Variants in ROBO2 observed in about 807,000 individuals in gnomAD.
ROBO2 encodes roundabout homolog 2.
Under a neutral mutation model 160.8 loss-of-function variants are expected in ROBO2, and 53 were observed. The observed-to-expected ratio is 0.33, with a 90% CI of 0.26 to 0.41. The LOEUF (loss-of-function observed/expected upper bound fraction) is 0.41. ROBO2 is among the 10% of genes least tolerant of loss of function. The pLI, the probability that ROBO2 is intolerant of heterozygous loss-of-function variation, is 1.00. For missense variants in ROBO2, 1,577 were observed against 1,722.4 expected (o/e 0.92, Z 1.49); for synonymous variants, 664 against 611.7 (o/e 1.09, Z -1.26).
At chr3:76,744,193 A>C (rs1052653970) in intron 2 of ROBO2, among the ~76,000 whole-genome samples, 1 of 152,180 alleles carries the variant, frequency 6.6e-6, no homozygotes, top group Non-Finnish European at 1.5e-5. Context: ...GATGGCTTAA[A>C]CAATAGGATT....
rs371027812 is a variant in ROBO2 at position 77,161,969 on chromosome 3, T to A, written c.388+63629T>A. ...TAATGTACCCACAATATTTCTCTAG[T>A]GCAAATTCAGCCGTACCAGTAATGT... On this transcript the variant is annotated intron_variant, in intron 2 of 25. Transcript: ENST00000461745. 7.8e-4 allele frequency among the ~76,000 whole-genome samples: 119 copies of A among 152,290 alleles called. 1 individual carries two copies. Among genetic ancestry groups the A allele is most frequent in the South Asian group, 6.0e-3 (29 of 4,834 alleles).
intron 2 of ROBO2, among the ~76,000 whole-genome samples, chr3:75,981,066 CT>C (rs2065261906): frequency 6.6e-6 from 1 of 151,368 alleles, no homozygotes; most frequent in African/African-American, 2.4e-5. Flanking sequence ...CCAAGTATTT[CT>C]ATTTTAATAT....
intron 2 of ROBO2, among the ~76,000 whole-genome samples, chr3:77,271,519 T>A (rs368056767): frequency 1.6e-4 from 25 of 152,294 alleles, no homozygotes; most frequent in African/African-American, 6.0e-4. Context: ...AACATCAGCA[T>A]TGAGTGGGAG....
At chr3:77,477,660 A>G in intron 3 of ROBO2, 89 bp downstream of exon 3, 2 of 1,244,572 alleles carry the variant, frequency 1.6e-6, no homozygotes, top group Non-Finnish European at 2.3e-6. Context: ...AACATTATTA[A>G]TACAATTGTA....
intron 2 of ROBO2, among the ~76,000 whole-genome samples, chr3:76,203,801 G>C (rs904105113): frequency 6.0e-5 from 9 of 151,254 alleles, no homozygotes; most frequent in African/African-American, 2.2e-4. Flanking sequence ...CACAGGTCAG[G>C]GTTCTAGTAA....
In ROBO2 at chr3:76,592,863, A is replaced by G. The variant is rs75266804; in HGVS notation, c.110-505151A>G. Among the ~76,000 whole-genome samples the G allele has an allele frequency of 7.4e-3, 1,128 of 152,120 alleles. 15 individuals carry two copies. Among genetic ancestry groups the G allele is most frequent in the South Asian group, 0.052 (252 of 4,818 alleles). ...CTAGGACTGAAATCGTACTATCTTC[A>G]TGGTCCTCAGCCAAGACAAAAAAAG... On this transcript the variant is annotated intron_variant, in intron 2 of 26. Transcript: ENST00000487694.
At chr3:76,578,026 G>A (rs1484217812) in intron 2 of ROBO2, among the ~76,000 whole-genome samples, 3 of 152,040 alleles carry the variant, frequency 2.0e-5, no homozygotes, top group South Asian at 2.1e-4. Flanking sequence ...TACAAAACTA[G>A]TGTTTTGCCA....
In ROBO2 at chr3:76,386,362, CCTT is replaced by C. The variant is rs1490199188; in HGVS notation, c.109+448762_109+448764del. ...CCCTCCCTCCCTCCCTCCCTCCCTT[CCTT>C]CCTCCCCTCCTTTCAGAAGTATTTA... On this transcript the variant is annotated intron_variant, in intron 2 of 26. Coordinates refer to the ROBO2 transcript ENST00000487694. Among the ~76,000 whole-genome samples the C allele has an allele frequency of 2.3e-3, 216 of 95,280 alleles. 1 individual carries two copies. The highest frequency in any genetic ancestry group is 5.6e-3 in the Middle Eastern group (1 of 180). 62.5% of individuals were successfully genotyped at this position (95,280 alleles called of 152,430 possible).
chr3:76,042,017 A>C (rs1406301901), intron 2 of ROBO2, among the ~76,000 whole-genome samples: 2 of 93,960 alleles, frequency 2.1e-5, no homozygotes, highest in Non-Finnish European at 4.0e-5. Context: ...CAAGAGAGAG[A>C]GAGAGAGGTT....
At chr3:76,898,416 T>C (rs932476992) in intron 2 of ROBO2, among the ~76,000 whole-genome samples, 4 of 152,076 alleles carry the variant, frequency 2.6e-5, no homozygotes, top group African/African-American at 9.7e-5. Context: ...AGATGGCACA[T>C]ATAATTTATA....
At chr3:76,567,620 GATATATATATAT>G (rs1201854439) in intron 2 of ROBO2, among the ~76,000 whole-genome samples, 6 of 33,300 alleles carry the variant, frequency 1.8e-4, no homozygotes, top group African/African-American at 4.0e-4. Flanking sequence ...CCAAACTACT[GATATATATATAT>G]ATATATATAT....
At chr3:76,033,553 A>C (rs1468854876) in intron 2 of ROBO2, among the ~76,000 whole-genome samples, 2 of 152,198 alleles carry the variant, frequency 1.3e-5, no homozygotes, top group African/African-American at 4.8e-5. Flanking sequence ...TTACACTGAA[A>C]AGTTAGCAAT....
chr3:76,043,230 A>G (rs938728166), intron 2 of ROBO2, among the ~76,000 whole-genome samples: 1 of 150,856 alleles, frequency 6.6e-6, no homozygotes, highest in African/African-American at 2.5e-5. Flanking sequence ...TACGTGTAAG[A>G]ACATTTTGCC....
In ROBO2 at chr3:76,409,035, G is replaced by A. The variant is rs1339495874; in HGVS notation, c.109+471433G>A. On this transcript the variant is annotated intron_variant, in intron 2 of 26. Transcript: ENST00000487694. Reference sequence around the variant, plus strand: ...GTATTAATATGTGAATGACAATAGAGTTCTGTAGTCAAAAATGTTTAGAAG... The same window carrying A: ...GTATTAATATGTGAATGACAATAGAATTCTGTAGTCAAAAATGTTTAGAAG... Among the ~76,000 whole-genome samples, 3 of 152,028 alleles carry A rather than the reference G, an allele frequency of 2.0e-5. No homozygotes were observed. The East Asian group carries it at 5.8e-4, about 29-fold the overall frequency.
At chr3:77,427,124 GT>G (rs964479759) in intron 2 of ROBO2, among the ~76,000 whole-genome samples, 1 of 152,162 alleles carries the variant, frequency 6.6e-6, no homozygotes, top group African/African-American at 2.4e-5. Flanking sequence ...CAACCTGTTT[GT>G]AGGCATCTGG....
chr3:77,114,143 T>C (rs2073967769), intron 2 of ROBO2, among the ~76,000 whole-genome samples: 1 of 152,156 alleles, frequency 6.6e-6, no homozygotes, highest in Admixed American at 6.5e-5. Context: ...GGGGCAAACC[T>C]TTTACCTTCT....
At position 76,772,242 on chromosome 3, in the gene ROBO2, T is replaced by C. The variant is rs898725066; in HGVS notation, c.110-325772T>C. On this transcript the variant is annotated intron_variant, in intron 2 of 26. Coordinates refer to the ROBO2 transcript ENST00000487694. ...GGTTTCTTGTATTTAACTTACAACATTGTTCTCCAGAATCATAGTGGTATC... is the reference window on the plus strand; with the variant it reads ...GGTTTCTTGTATTTAACTTACAACACTGTTCTCCAGAATCATAGTGGTATC... 2.0e-5 allele frequency among the ~76,000 whole-genome samples: 3 copies of C among 151,220 alleles called. No homozygotes were observed. The South Asian group carries it at 6.2e-4, about 31-fold the overall frequency.
At chr3:75,948,708 C>G (rs1486559106) in intron 2 of ROBO2, among the ~76,000 whole-genome samples, 1 of 152,060 alleles carries the variant, frequency 6.6e-6, no homozygotes, top group Non-Finnish European at 1.5e-5. Context: ...AGATTTCTTA[C>G]TGTTTCTCTG....
At chr3:77,512,244 G>A (rs2089486335) in intron 5 of ROBO2, among the ~76,000 whole-genome samples, 1 of 151,936 alleles carries the variant, frequency 6.6e-6, no homozygotes, top group Admixed American at 6.6e-5. Context: ...GCCGAGAAGT[G>A]CTTATGTGAT....
Sources: gnomAD v4.1 joint callset for allele counts (sites outside exome capture counted in the v4.1 genomes callset) on GRCh38, gnomAD v4.1.1 for gene constraint, MANE v1.5 for transcripts, NCBI Gene and HGNC (gene_info 2026-07-23, HGNC 2026-07-21) for gene names.